OTUD6B: variants seen among roughly 807,000 people sequenced by gnomAD.
OTUD6B encodes OTU deubiquitinase 6B.
In OTUD6B, 41 loss-of-function variants were observed where a neutral mutation model predicts 36.9. That is an observed-to-expected ratio of 1.11 (90% confidence interval 0.87 to 1.44). The LOEUF (loss-of-function observed/expected upper bound fraction) is 1.44. Ranked by LOEUF, OTUD6B falls within the 40% of genes most tolerant of loss-of-function variation. OTUD6B has a pLI of 0.00. For missense variants in OTUD6B, 356 were observed against 344.8 expected (o/e 1.03, Z -0.26); for synonymous variants, 114 against 114.2 (o/e 1.00, Z 0.01).
intron 2 of OTUD6B, among the ~76,000 whole-genome samples, chr8:91,071,640 G>A (rs532580666): frequency 6.6e-6 from 1 of 152,310 alleles, no homozygotes; most frequent in Non-Finnish European, 1.5e-5. Flanking sequence ...GAGCCACCGT[G>A]CCCGGCCCTG....
intron 1 of OTUD6B, 140 bp downstream of exon 1, chr8:91,070,606 C>A: frequency 1.3e-6 from 1 of 759,662 alleles, no homozygotes; most frequent in Non-Finnish European, 2.1e-6. Context: ...CCTCTTCTCT[C>A]TTCACCTACC....
chr8:91,076,527 C>G (rs972190381), intron 3 of OTUD6B: 1 of 1,521,806 alleles, frequency 6.6e-7, no homozygotes, highest in Middle Eastern at 1.7e-4. Flanking sequence ...GCCACTCTTT[C>G]AGTAAATAGT....
intron 5 of OTUD6B, among the ~76,000 whole-genome samples, chr8:91,081,443 G>C (rs1238704697): frequency 6.6e-6 from 1 of 151,606 alleles, no homozygotes; most frequent in Non-Finnish European, 1.5e-5. Context: ...TATTAAATAG[G>C]ATAAGAAAGA....
intron 3 of OTUD6B, 192 bp from the exon 4 acceptor site, chr8:91,078,162 AAC>A: frequency 1.4e-6 from 1 of 732,400 alleles, no homozygotes; most frequent in East Asian, 1.3e-4. Context: ...AGGTGCTGGA[AAC>A]ACACAGATGA....
Position 91,073,870 on chromosome 8 carries a change from G to T in OTUD6B, c.274G>T (p.Glu92Ter). ...VAVNISNLVL[E>*]NQPPRISKAQ... Reference sequence around the variant, plus strand: ...TGTTAACATTTCAAACTTGGTGCTTGAGAATCAGCCACCTCGGATATCAAA... The same window carrying T: ...TGTTAACATTTCAAACTTGGTGCTTTAGAATCAGCCACCTCGGATATCAAA... The change falls in exon 3 of 7, where the codon GAG becomes TAG. Residue 92 changes from glutamate to a stop codon, truncating the protein, a stop_gained. Coordinates refer to ENST00000404789, the MANE Select transcript of OTUD6B (RefSeq NM_016023.5). LOFTEE classifies it high-confidence loss of function. The T allele has an allele frequency of 6.3e-7, 1 of 1,594,444 alleles. No homozygotes were observed.
At chr8:91,078,166 C>T (rs897296631) in intron 3 of OTUD6B, 190 bp from the exon 4 acceptor site, 2 of 763,244 alleles carry the variant, frequency 2.6e-6, no homozygotes, top group Non-Finnish European at 3.2e-6. Context: ...GCTGGAAACA[C>T]ACAGATGAGT....
chr8:91,078,260 G>A (rs1345814656), intron 3 of OTUD6B, 96 bp from the exon 4 acceptor site: 7 of 1,449,344 alleles, frequency 4.8e-6, no homozygotes, highest in East Asian at 2.5e-5. Context: ...AATAAACACC[G>A]GAAAGTTTTG....
intron 3 of OTUD6B, among the ~76,000 whole-genome samples, chr8:91,075,445 G>A (rs1304499678): frequency 6.6e-6 from 1 of 151,932 alleles, no homozygotes; most frequent in Admixed American, 6.6e-5. Context: ...AAACCTAAGG[G>A]CACAAGTTCT....
At chr8:91,084,737 A>T in intron 6 of OTUD6B, 47 bp from the exon 7 acceptor site, 1 of 1,371,796 alleles carries the variant, frequency 7.3e-7, no homozygotes, top group Non-Finnish European at 9.7e-7. Context: ...TATATAGAAA[A>T]ATTGCTTTCA....
chr8:91,083,916 G>T (rs957629451), intron 5 of OTUD6B, 92 bp from the exon 6 acceptor site: 6 of 1,501,394 alleles, frequency 4.0e-6, no homozygotes, highest in African/African-American at 1.4e-5. Flanking sequence ...TGAACACAGC[G>T]TATCCCTGCT....
intron 3 of OTUD6B, chr8:91,076,689 CAGAA>C: frequency 3.0e-6 from 4 of 1,352,140 alleles, no homozygotes; most frequent in Non-Finnish European, 3.1e-6. Flanking sequence ...GCTGTTTCCT[CAGAA>C]GAGGAAAATG....
Position 91,071,275 on chromosome 8 carries a change from A to T in OTUD6B, c.220A>T (p.Thr74Ser). The T allele has an allele frequency of 6.2e-7, 1 of 1,612,756 alleles. No individual in the cohort carries two copies. Among genetic ancestry groups the T allele is most frequent in the South Asian group, 1.1e-5 (1 of 90,830 alleles). Residue 74 changes from threonine (T) to serine (S), a missense_variant, in exon 2 of 7, where the codon ACT becomes TCT. Physicochemically the swap from Thr to Ser is moderately conservative, Grantham distance 58 (BLOSUM62 1). Transcript: ENST00000404789. ...GGAACTGGAGCAATTGAAGCTGACT[A>T]CTAAGGAGAATAAGGTATGTGAAAT... Reference protein sequence around the residue: ...REELEQLKLTTKENKIDSVAV... With the variant: ...REELEQLKLTSKENKIDSVAV...
chr8:91,075,011 G>A (rs1376318310), intron 3 of OTUD6B, among the ~76,000 whole-genome samples: 1 of 152,026 alleles, frequency 6.6e-6, no homozygotes, highest in Non-Finnish European at 1.5e-5. Context: ...ACAAATGATA[G>A]TATTGTTTCT....
chr8:91,078,172 T>G (rs1812835434), intron 3 of OTUD6B, 184 bp from the exon 4 acceptor site: 2 of 779,186 alleles, frequency 2.6e-6, no homozygotes, highest in Non-Finnish European at 1.6e-6. Context: ...AACACACAGA[T>G]GAGTAAGAGA....
At chr8:91,074,496 A>T (rs1174267708) in intron 3 of OTUD6B, among the ~76,000 whole-genome samples, 1 of 152,136 alleles carries the variant, frequency 6.6e-6, no homozygotes, top group Non-Finnish European at 1.5e-5. Flanking sequence ...TTTGAAAGAA[A>T]TATTATTTAG....
In OTUD6B at chr8:91,080,653, G is replaced by C. The variant is rs770894780; in HGVS notation, c.629-16G>C. On this transcript the variant is annotated splice_polypyrimidine_tract_variant and intron_variant, in intron 4 of 6. Coordinates refer to ENST00000404789, the MANE Select transcript of OTUD6B (RefSeq NM_016023.5). ...CAAAAATTATTAAGTGCTGTATTCTGACCTAATCTCTACAGAAGAATTTCA... is the reference window on the plus strand; with the variant it reads ...CAAAAATTATTAAGTGCTGTATTCTCACCTAATCTCTACAGAAGAATTTCA... The C allele has an allele frequency of 1.9e-6, 3 of 1,589,538 alleles. No individual in the cohort carries two copies. Among genetic ancestry groups the C allele is most frequent in the Non-Finnish European group, 2.6e-6 (3 of 1,166,492 alleles).
At chr8:91,082,745 CTT>C (rs369648071) in intron 5 of OTUD6B, among the ~76,000 whole-genome samples, 1,401 of 111,774 alleles carry the variant, frequency 0.013, 16 homozygotes, top group African/African-American at 0.048. Context: ...GGTCATATGT[CTT>C]TTTTTTTTTT....
rs377765758 is a variant in OTUD6B, at chr8:91,071,158, A to G, written c.103A>G (p.Asn35Asp). ...TTCAGCCAAAATTCAGGGCATGAAG[A>G]ATGCTGTTCCCAAGAATGACAAGAA... ...ELQAKIQGMK[N>D]AVPKNDKKRR... The change falls in exon 2 of 7, where the codon AAT (asparagine) becomes GAT (aspartate). Residue 35 changes from asparagine to aspartate, a missense_variant. Transcript: ENST00000404789. 6.2e-7 allele frequency: 1 copy of G among 1,613,166 alleles called. No homozygotes were observed. The highest frequency in any genetic ancestry group is 8.5e-7 in the Non-Finnish European group (1 of 1,179,668).
At position 91,073,894 on chromosome 8, in the gene OTUD6B, A is replaced by G; in HGVS notation, c.298A>G (p.Lys100Glu). The change falls in exon 3 of 7, where the codon AAA (lysine) becomes GAA (glutamate). Residue 100 changes from lysine (K) to glutamate (E), a missense_variant. By Grantham distance (56) the Lys-to-Glu change is moderately conservative. Transcript: ENST00000404789. ...TGAGAATCAGCCACCTCGGATATCA[A>G]AAGCACAAAAGAGACGGGTATGAAA... ...VLENQPPRIS[K>E]AQKRREKKAA... 1 of 1,591,104 alleles carries G rather than the reference A, an allele frequency of 6.3e-7. No homozygotes were observed. Among genetic ancestry groups the G allele is most frequent in the South Asian group, 1.1e-5 (1 of 87,470 alleles).
Sources: allele counts gnomAD v4.1 joint callset (sites outside exome capture counted in the v4.1 genomes callset), GRCh38; gene constraint gnomAD v4.1.1; transcripts MANE v1.5; gene names NCBI Gene and HGNC (gene_info 2026-07-23, HGNC 2026-07-21).